The following TEX29 variants were observed in gnomAD, a reference collection of about 807,000 sequenced individuals.
TEX29 encodes the protein testis expressed 29.
Under a neutral mutation model 18.2 loss-of-function variants are expected in TEX29, and 26 were observed. That is an observed-to-expected ratio of 1.43 (90% CI 1.04 to 1.98). The LOEUF (loss-of-function observed/expected upper bound fraction) is 1.98. TEX29 is among the 30% of genes most tolerant of loss of function. The probability of loss-of-function intolerance (pLI) is 0.00; values close to 1 mark genes in which losing one functional copy is unlikely to be tolerated. For synonymous variants in TEX29, 83 were observed against 78.5 expected (o/e 1.06, Z -0.31); for missense variants, 177 against 194.2 (o/e 0.91, Z 0.53).
At chr13:111,326,997 CCCCAGG>C (rs1476817221) in intron 2 of TEX29, among the ~76,000 whole-genome samples, 1 of 152,116 alleles carries the variant, frequency 6.6e-6, no homozygotes, top group Non-Finnish European at 1.5e-5. Flanking sequence ...CAGTCACCCA[CCCCAGG>C]CCCCTCTGAG....
At chr13:111,337,556 G>A (rs542537420) in intron 3 of TEX29, among the ~76,000 whole-genome samples, 4 of 152,102 alleles carry the variant, frequency 2.6e-5, no homozygotes, top group African/African-American at 9.6e-5. Flanking sequence ...ATCTCCTTTG[G>A]CTCCAGGGAT....
intron 2 of TEX29, among the ~76,000 whole-genome samples, chr13:111,324,816 C>A (rs2093670160): frequency 2.0e-5 from 3 of 152,218 alleles, no homozygotes; most frequent in African/African-American, 4.8e-5. Context: ...CCTTTCCTCT[C>A]CTGCTGCAGA....
rs138775706 is a variant in TEX29 at position 111,336,064 on chromosome 13, C to A, written c.170-3799C>A. On this transcript the variant is annotated intron_variant, in intron 3 of 5. Coordinates refer to ENST00000283547, the MANE Select transcript of TEX29 (RefSeq NM_152324.3). Reference sequence around the variant, plus strand: ...GCTTCATGACTGGTGTTATAAGGAACCCAGAAGAGAACACAAGCTCTCAAG... The same window carrying A: ...GCTTCATGACTGGTGTTATAAGGAAACCAGAAGAGAACACAAGCTCTCAAG... Among the ~76,000 whole-genome samples, 474 of 152,336 alleles carry A rather than the reference C, an allele frequency of 3.1e-3. 3 individuals are homozygous for A. The highest frequency in any genetic ancestry group is 4.8e-3 in the Non-Finnish European group (328 of 68,040).
intron 2 of TEX29, 140 bp downstream of exon 2, chr13:111,321,088 T>C (rs2093663800): frequency 1.1e-6 from 1 of 894,014 alleles, no homozygotes; most frequent in South Asian, 1.7e-5. Flanking sequence ...CAGCAAAATG[T>C]GTGTTCAGGA....
intron 3 of TEX29, among the ~76,000 whole-genome samples, chr13:111,329,714 G>T (rs2093679816): frequency 2.0e-5 from 3 of 152,126 alleles, no homozygotes; most frequent in African/African-American, 7.2e-5. Flanking sequence ...GGGAAGAGGG[G>T]CTTAAAAAGA....
intron 5 of TEX29, 145 bp downstream of exon 5, chr13:111,343,076 T>A: frequency 2.0e-6 from 2 of 1,013,738 alleles, no homozygotes; most frequent in Non-Finnish European, 2.8e-6. Context: ...AAAATTGTAA[T>A]GTACCCAACA....
At chr13:111,343,084 A>C (rs530284958) in intron 5 of TEX29, among the ~76,000 whole-genome samples, 153 bp downstream of exon 5, 1 of 152,294 alleles carries the variant, frequency 6.6e-6, no homozygotes, top group Admixed American at 6.5e-5. Context: ...AATGTACCCA[A>C]CATTGGAGGT....
chr13:111,342,820 A>G lies in TEX29; in HGVS notation c.304A>G (p.Ser102Gly). 1 of 1,614,156 alleles carries G rather than the reference A, an allele frequency of 6.2e-7. No individual in the cohort carries two copies. Among genetic ancestry groups the G allele is most frequent in the South Asian group, 1.1e-5 (1 of 91,074 alleles). ...PVDVALPQKS[S>G]EKAELASSSS... ...GGATGTCGCGCTGCCACAGAAGTCC[A>G]GCGAAAAGGCGGAGTTGGCCTCATC... The change falls in exon 5 of 6, where the codon AGC (serine) becomes GGC (glycine). Residue 102 changes from serine to glycine, a missense_variant. By Grantham distance (56) the Ser-to-Gly change is moderately conservative (BLOSUM62 0). Transcript: ENST00000283547.
intron 2 of TEX29, among the ~76,000 whole-genome samples, chr13:111,326,163 C>T (rs72653598): frequency 0.031 from 4,674 of 149,588 alleles, 123 homozygotes; most frequent in African/African-American, 0.07. Flanking sequence ...TCGGGCATCA[C>T]GAGCTGGGTG....
intron 4 of TEX29, among the ~76,000 whole-genome samples, chr13:111,342,407 A>T (rs960687311): frequency 6.6e-6 from 1 of 152,094 alleles, no homozygotes; most frequent in Non-Finnish European, 1.5e-5. Context: ...AGAAACTAAA[A>T]TGAGGCTGGA....
chr13:111,343,979 CCAAT>C, intron 5 of TEX29, 100 bp from the exon 6 acceptor site: 3 of 936,822 alleles, frequency 3.2e-6, no homozygotes, highest in Non-Finnish European at 5.1e-6. Context: ...TCAATCATTG[CCAAT>C]CAGACACCAT....
Position 111,342,743 on chromosome 13 carries a change from C to T in TEX29, c.240-13C>T. The T allele has an allele frequency of 6.2e-7, 1 of 1,611,846 alleles. No individual in the cohort carries two copies. The highest frequency in any genetic ancestry group is 8.5e-7 in the Non-Finnish European group (1 of 1,178,474). ...TAACTTCCCTGACTGTGATAAAACC[C>T]TCTTCCCATCAGAGTCATTCAGGAG... On this transcript the variant is annotated splice_polypyrimidine_tract_variant and intron_variant, in intron 4 of 5. Coordinates refer to ENST00000283547, the MANE Select transcript of TEX29 (RefSeq NM_152324.3).
At chr13:111,325,242 G>A (rs997421396) in intron 2 of TEX29, among the ~76,000 whole-genome samples, 1 of 152,248 alleles carries the variant, frequency 6.6e-6, no homozygotes, top group Admixed American at 6.5e-5. Flanking sequence ...TGGCCCAGCC[G>A]ATGGCTCCTC....
intron 3 of TEX29, among the ~76,000 whole-genome samples, chr13:111,335,985 C>T (rs534429397): frequency 5.0e-4 from 76 of 152,326 alleles, no homozygotes; most frequent in Middle Eastern, 3.4e-3. Context: ...TAAGTTAGAA[C>T]AATCGCCGCA....
In TEX29 at chr13:111,342,639, G is replaced by A. The variant is rs1470399678; in HGVS notation, c.240-117G>A. 4 of 826,096 alleles carry A rather than the reference G, an allele frequency of 4.8e-6. No individual in the cohort carries two copies. The Admixed American group carries it at 1.2e-4, about 25-fold the overall frequency. 51.2% of individuals were successfully genotyped at this position (826,096 alleles called of 1,614,324 possible). On this transcript the variant is annotated intron_variant, in intron 4 of 5. Transcript: ENST00000283547. ...TCAAAGCATTTACCTTAAAAAATAA[G>A]TATGCATGATCAGGAACCTGTGTTT...
At chr13:111,335,635 G>A (rs2093688556) in intron 3 of TEX29, among the ~76,000 whole-genome samples, 1 of 152,214 alleles carries the variant, frequency 6.6e-6, no homozygotes, top group Admixed American at 6.5e-5. Context: ...CAGTTTCCAA[G>A]GCACTTATAC....
chr13:111,333,118 G>T (rs2093684916), intron 3 of TEX29, among the ~76,000 whole-genome samples: 1 of 152,170 alleles, frequency 6.6e-6, no homozygotes, highest in South Asian at 2.1e-4. Flanking sequence ...AGGCTCCTTT[G>T]TATATAATGT....
chr13:111,333,480 T>A (rs2093685392), intron 3 of TEX29, among the ~76,000 whole-genome samples: 1 of 152,228 alleles, frequency 6.6e-6, no homozygotes, highest in South Asian at 2.1e-4. Context: ...TTGTTTTGCC[T>A]GCTCAAATCT....
chr13:111,329,176 C>A (rs930314145), intron 3 of TEX29, among the ~76,000 whole-genome samples: 17 of 152,070 alleles, frequency 1.1e-4, no homozygotes, highest in Admixed American at 7.9e-4. Flanking sequence ...CTTTGTGCTG[C>A]GTGGGGAGGG....
Sources: allele counts gnomAD v4.1 joint callset (sites outside exome capture counted in the v4.1 genomes callset), GRCh38; gene constraint gnomAD v4.1.1; transcripts MANE v1.5; gene names NCBI Gene and HGNC (gene_info 2026-07-23, HGNC 2026-07-21).